The following DCLRE1C variants were observed in gnomAD, a reference collection of about 807,000 sequenced individuals.
The protein encoded by DCLRE1C is protein artemis.
In DCLRE1C, 47 loss-of-function variants were observed where a neutral mutation model predicts 61.4. The observed-to-expected ratio is 0.77, with a 90% confidence interval of 0.61 to 0.98. The LOEUF (loss-of-function observed/expected upper bound fraction) is 0.98, where lower values mean the gene tolerates loss of function less well. Among genes scored for constraint, DCLRE1C ranks in the 50% least tolerant of loss-of-function variants. DCLRE1C has a pLI of 0.00. For synonymous variants in DCLRE1C, 337 were observed against 287.6 expected (o/e 1.17, Z -1.74); for missense variants, 858 against 816.0 (o/e 1.05, Z -0.63).
At chr10:14,950,360 A>C (rs1228956547) in intron 1 of DCLRE1C, among the ~76,000 whole-genome samples, 8 of 150,304 alleles carry the variant, frequency 5.3e-5, no homozygotes, top group Middle Eastern at 3.4e-3. Context: ...TAATAACCAA[A>C]AAAAAAAAAA....
In DCLRE1C at chr10:14,936,548, C is replaced by T; in HGVS notation, c.352G>A (p.Gly118Arg). The stretch of plus-strand genomic sequence containing the variant: ...AAATGACCCCCTTACATAACTGATC[C>T]CGGACAGTGACCAGCTGGTAAGAGA... ...VTLLPAGHCP[G>R]SVMFLFQGNN... Residue 118 changes from glycine to arginine, a missense_variant, in exon 5 of 14, where the codon GGA (glycine) becomes AGA (arginine). Physicochemically the swap from Gly to Arg is moderately radical, Grantham distance 125. This residue lies in a region of DCLRE1C where 843 missense variants were observed against 783.5 expected (regional missense o/e 1.08). Transcript: ENST00000378278. 6.2e-7 allele frequency: 1 copy of T among 1,612,744 alleles called. No homozygotes were observed. Among genetic ancestry groups the T allele is most frequent in the Non-Finnish European group, 8.5e-7 (1 of 1,178,970 alleles).
At chr10:14,919,908 A>G in intron 12 of DCLRE1C, 76 bp from the exon 13 acceptor site, 1 of 1,235,292 alleles carries the variant, frequency 8.1e-7, no homozygotes, top group South Asian at 1.2e-5. Flanking sequence ...TAGTATTACA[A>G]ATTTTTTTGA....
chr10:14,938,296 C>T (rs1480804827), intron 4 of DCLRE1C, among the ~76,000 whole-genome samples: 1 of 152,112 alleles, frequency 6.6e-6, no homozygotes, highest in Non-Finnish European at 1.5e-5. Flanking sequence ...CAGTATTCCC[C>T]GGAAAAGCAG....
At chr10:14,912,805 C>T (rs1259418333) in intron 13 of DCLRE1C, among the ~76,000 whole-genome samples, 1 of 152,194 alleles carries the variant, frequency 6.6e-6, no homozygotes, top group African/African-American at 2.4e-5. Context: ...CCTCCGCTGC[C>T]CTAATAGCTG....
intron 11 of DCLRE1C, chr10:14,923,371 C>CT (rs776751693): frequency 0.02 from 5,859 of 293,940 alleles, 18 homozygotes; most frequent in Non-Finnish European, 0.025. Context: ...CTCAAAGATT[C>CT]TTTTTTTTTT....
chr10:14,916,968 T>A (rs1281567836), intron 13 of DCLRE1C, among the ~76,000 whole-genome samples: 1 of 152,106 alleles, frequency 6.6e-6, no homozygotes, highest in Non-Finnish European at 1.5e-5. Flanking sequence ...ACTTTGAAAA[T>A]GAACAAGGCT....
At position 14,906,171 on chromosome 10, in the gene DCLRE1C, C is replaced by T. The variant is rs1415952861; in HGVS notation, c.*2237G>A. On this transcript the variant is annotated 3_prime_UTR_variant, in exon 14 of 14. Transcript: ENST00000378278. ...TTTGAATTCTGCCTGTGCCTCATAG[C>T]TATGTGAACTAACCTCTGTGCCTTT... 1.3e-5 allele frequency among the ~76,000 whole-genome samples: 2 copies of T among 152,164 alleles called. No homozygotes were observed. Among genetic ancestry groups the T allele is most frequent in the Non-Finnish European group, 2.9e-5 (2 of 68,040 alleles).
At chr10:14,947,027 C>T (rs1841801473) in intron 2 of DCLRE1C, among the ~76,000 whole-genome samples, 1 of 152,016 alleles carries the variant, frequency 6.6e-6, no homozygotes. Context: ...GCCTGACCAA[C>T]ATGGTGAAAC....
intron 8 of DCLRE1C, 48 bp from the exon 9 acceptor site, chr10:14,933,003 A>T: frequency 6.3e-7 from 1 of 1,596,566 alleles, no homozygotes; most frequent in Non-Finnish European, 8.6e-7. Flanking sequence ...TGTATTTCCT[A>T]TAAATTGTTC....
rs1834612453 is a variant in DCLRE1C, at chr10:14,908,147, G to C, written c.*261C>G. 2 of 393,454 alleles carry C rather than the reference G, an allele frequency of 5.1e-6. No individual in the cohort carries two copies. The highest frequency in any genetic ancestry group is 8.8e-6 in the Non-Finnish European group (2 of 227,294). 24.4% of individuals were successfully genotyped at this position (393,454 alleles called of 1,614,324 possible). On this transcript the variant is annotated 3_prime_UTR_variant, in exon 14 of 14. Transcript: ENST00000378278. ...GTGATCCTCAAGGGCCTCCAGAGTA[G>C]CCCACCACCATGCCTGGCTTTTTTT...
intron 3 of DCLRE1C, among the ~76,000 whole-genome samples, chr10:14,942,928 C>T (rs972155497): frequency 6.6e-6 from 1 of 152,152 alleles, no homozygotes; most frequent in African/African-American, 2.4e-5. Context: ...AGTACAAGAC[C>T]AGCCTCGCCA....
chr10:14,908,136 C>G lies in DCLRE1C; in HGVS notation c.*272G>C, dbSNP rs1834609730. ...CCTGGGCTCAAGTGATCCTCAAGGGCCTCCAGAGTAGCCCACCACCATGCC... is the reference window on the plus strand; with the variant it reads ...CCTGGGCTCAAGTGATCCTCAAGGGGCTCCAGAGTAGCCCACCACCATGCC... On this transcript the variant is annotated 3_prime_UTR_variant, in exon 14 of 14. Transcript: ENST00000378278. 2.6e-6 allele frequency: 1 copy of G among 379,636 alleles called. No homozygotes were observed. Among genetic ancestry groups the G allele is most frequent in the Non-Finnish European group, 4.7e-6 (1 of 214,776 alleles). 23.5% of individuals were successfully genotyped at this position (379,636 alleles called of 1,614,324 possible). A position where few individuals can be genotyped will look rare whatever the true frequency, so the allele number is the denominator to read the frequency against.
Position 14,928,118 on chromosome 10 carries a change from C to G in DCLRE1C, c.815G>C (p.Cys272Ser), listed in dbSNP as rs780650418. Residue 272 changes from cysteine (C) to serine (S), a missense_variant, in exon 10 of 14, where the codon TGT becomes TCT. Coordinates refer to ENST00000378278, the MANE Select transcript of DCLRE1C (RefSeq NM_001033855.3). ...AATTCTATTTCTGGAAGTAATTCCA[C>G]AGGGTAATTTGCTCCACTGAAAATA... ...EEYFQWSKLP[C>S]GITSRNRIPL... The G allele has an allele frequency of 1.9e-6, 3 of 1,613,528 alleles. No individual in the cohort carries two copies. Among genetic ancestry groups the G allele is most frequent in the Non-Finnish European group, 2.5e-6 (3 of 1,179,726 alleles).
At chr10:14,899,662 G>A, downstream of DCLRE1C, 3 of 1,613,956 alleles carry the variant, frequency 1.9e-6, no homozygotes, top group Non-Finnish European at 8.5e-7. Flanking sequence ...ATACGGCAAT[G>A]TGTCTCATTT....
intron 13 of DCLRE1C, chr10:14,899,583 C>A: frequency 6.2e-7 from 1 of 1,614,104 alleles, no homozygotes; most frequent in Non-Finnish European, 8.5e-7. Context: ...AGTTCTATGA[C>A]AACAAGGGAA....
intron 3 of DCLRE1C, among the ~76,000 whole-genome samples, 160 bp from the exon 4 acceptor site, chr10:14,940,029 T>A (rs930043222): frequency 5.3e-5 from 8 of 152,120 alleles, no homozygotes; most frequent in African/African-American, 1.7e-4. Context: ...TTAGAAAAAA[T>A]TGTAAAGAAA....
intron 1 of DCLRE1C, among the ~76,000 whole-genome samples, chr10:14,952,850 G>A (rs1219187124): frequency 6.6e-6 from 1 of 152,190 alleles, no homozygotes; most frequent in African/African-American, 2.4e-5. Flanking sequence ...ACATTTCGCA[G>A]AAGCAGTAAC....
intron 1 of DCLRE1C, 147 bp from the exon 2 acceptor site, chr10:14,949,234 T>G: frequency 3.0e-6 from 2 of 657,976 alleles, no homozygotes; most frequent in Non-Finnish European, 2.7e-6. Context: ...CTATGAGCTC[T>G]TTCTTCTGCA....
intron 12 of DCLRE1C, among the ~76,000 whole-genome samples, chr10:14,921,366 T>G (rs1296142009): frequency 1.3e-5 from 2 of 151,960 alleles, no homozygotes; most frequent in Non-Finnish European, 2.9e-5. Flanking sequence ...CCTAAACACA[T>G]CCAAGTTTAT....
Sources: gnomAD v4.1 joint callset for allele counts (sites outside exome capture counted in the v4.1 genomes callset) on GRCh38, gnomAD v4.1.1 for gene constraint, gnomAD v4.1.1 regional missense constraint, MANE v1.5 for transcripts, NCBI Gene and HGNC (gene_info 2026-07-23, HGNC 2026-07-21) for gene names.